The following SCN8A variants were observed in gnomAD, a reference collection of about 807,000 sequenced individuals.
The protein encoded by SCN8A is sodium voltage-gated channel alpha subunit 8, also known as sodium channel protein type 8 subunit alpha.
A neutral mutation model predicts 184.1 loss-of-function variants in SCN8A; 30 were observed. That is an observed-to-expected ratio of 0.16 (90% CI 0.12 to 0.22). SCN8A has a LOEUF of 0.22. Ranked by LOEUF, SCN8A falls within the 10% of genes least tolerant of loss-of-function variation. SCN8A has a pLI of 1.00. For synonymous variants in SCN8A, 852 were observed against 907.0 expected (o/e 0.94, Z 1.09); for missense variants, 1,057 against 2,498.9 (o/e 0.42, Z 12.30).
chr12:51,767,499 G>A (rs1210604790), intron 16 of SCN8A, among the ~76,000 whole-genome samples: 1 of 152,046 alleles, frequency 6.6e-6, no homozygotes, highest in Non-Finnish European at 1.5e-5. Flanking sequence ...TAGTATTTCT[G>A]TGGATATCTT....
chr12:51,729,892 A>G (rs1308504622), intron 12 of SCN8A, among the ~76,000 whole-genome samples: 1 of 152,140 alleles, frequency 6.6e-6, no homozygotes, highest in African/African-American at 2.4e-5. Flanking sequence ...TGTGCCATTA[A>G]TTTGCATTTC....
At chr12:51,775,339 C>T (rs945188080) in intron 20 of SCN8A, among the ~76,000 whole-genome samples, 1 of 152,202 alleles carries the variant, frequency 6.6e-6, no homozygotes, top group Admixed American at 6.5e-5. Context: ...ATAGAAATCT[C>T]TCTGATGGCA....
chr12:51,784,807 C>T (rs191549577), intron 21 of SCN8A, among the ~76,000 whole-genome samples: 1 of 152,128 alleles, frequency 6.6e-6, no homozygotes, highest in African/African-American at 2.4e-5. Flanking sequence ...TTAACTGTAA[C>T]CCATAGTATG....
intron 12 of SCN8A, among the ~76,000 whole-genome samples, chr12:51,726,368 G>A (rs1419252511): frequency 1.3e-5 from 2 of 152,166 alleles, no homozygotes; most frequent in Admixed American, 1.3e-4. Flanking sequence ...TTACAGCCTG[G>A]ACCTTATGAA....
At chr12:51,702,953 A>G (rs1266703859) in intron 9 of SCN8A, 39 bp downstream of exon 9, 1 of 1,540,530 alleles carries the variant, frequency 6.5e-7, no homozygotes, top group African/African-American at 1.4e-5. Flanking sequence ...TAGAGTTTGC[A>G]TGAGCTTATA....
intron 1 of SCN8A, among the ~76,000 whole-genome samples, chr12:51,602,130 C>T (rs974747066): frequency 1.3e-5 from 2 of 151,880 alleles, no homozygotes; most frequent in Admixed American, 1.3e-4. Flanking sequence ...TGAATGCTGA[C>T]TTTGGTAGTA....
chr12:51,712,421 C>A (rs1469742694), intron 11 of SCN8A: 1 of 758,668 alleles, frequency 1.3e-6, no homozygotes. Flanking sequence ...CAGCTCCTCG[C>A]GCTCTCTCCT....
intron 11 of SCN8A, among the ~76,000 whole-genome samples, chr12:51,717,783 G>A (rs1342106615): frequency 6.6e-6 from 1 of 152,148 alleles, no homozygotes; most frequent in East Asian, 1.9e-4. Flanking sequence ...CAAGGATGAG[G>A]CAGAAGAACA....
intron 1 of SCN8A, among the ~76,000 whole-genome samples, chr12:51,654,968 C>T (rs184924433): frequency 1.5e-3 from 223 of 151,858 alleles, no homozygotes; most frequent in African/African-American, 5.2e-3. Context: ...AGCATGATCT[C>T]AGCTCACTGC....
Position 51,638,240 on chromosome 12 carries a change from C to T in SCN8A, c.-54-24524C>T, listed in dbSNP as rs568568553. On this transcript the variant is annotated intron_variant, in intron 1 of 26. Transcript: ENST00000627620. Reference sequence around the variant, plus strand: ...AAGGAGATTAATGTTGTATTCATGCCAGCTAACACAACATCCATTTTGTAG... The same window carrying T: ...AAGGAGATTAATGTTGTATTCATGCTAGCTAACACAACATCCATTTTGTAG... Among the ~76,000 whole-genome samples, 6 of 152,304 alleles carry T rather than the reference C, an allele frequency of 3.9e-5. No individual in the cohort carries two copies. The South Asian group carries it at 8.3e-4, about 21-fold the overall frequency.
At chr12:51,735,949 T>C (rs1053866369) in intron 12 of SCN8A, among the ~76,000 whole-genome samples, 1 of 152,352 alleles carries the variant, frequency 6.6e-6, no homozygotes, top group Non-Finnish European at 1.5e-5. Context: ...GTTTCTGTCT[T>C]TGCAGCTGGT....
intron 12 of SCN8A, among the ~76,000 whole-genome samples, chr12:51,733,471 G>T (rs1163198391): frequency 2.0e-5 from 3 of 151,856 alleles, no homozygotes; most frequent in South Asian, 2.1e-4. Context: ...TTTTGTTGGG[G>T]TTTTTTTGGA....
chr12:51,707,619 C>A (rs1239771750), intron 11 of SCN8A, among the ~76,000 whole-genome samples: 3 of 152,168 alleles, frequency 2.0e-5, no homozygotes, highest in Non-Finnish European at 4.4e-5. Context: ...TGTTAATCTC[C>A]TTTGGCAACA....
intron 14 of SCN8A, among the ~76,000 whole-genome samples, chr12:51,761,091 C>G (rs111532474): frequency 6.6e-6 from 1 of 152,154 alleles, no homozygotes; most frequent in African/African-American, 2.4e-5. Context: ...AATAAGTCCT[C>G]TCCTCTAAAA....
chr12:51,657,701 C>T (rs1181809068), intron 1 of SCN8A, among the ~76,000 whole-genome samples: 2 of 152,182 alleles, frequency 1.3e-5, no homozygotes, highest in East Asian at 3.9e-4. Flanking sequence ...AATCTTTGCC[C>T]AGACCAATGT....
chr12:51,658,824 A>G (rs1312721712), intron 1 of SCN8A, among the ~76,000 whole-genome samples: 1 of 152,194 alleles, frequency 6.6e-6, no homozygotes, highest in Non-Finnish European at 1.5e-5. Flanking sequence ...TTTTTAAAAA[A>G]TACGAGATGC....
At chr12:51,676,719 C>T (rs998725634) in intron 2 of SCN8A, among the ~76,000 whole-genome samples, 1 of 152,204 alleles carries the variant, frequency 6.6e-6, no homozygotes, top group African/African-American at 2.4e-5. Flanking sequence ...AGTCATAAGT[C>T]ATTGCCAGTA....
At chr12:51,715,493 G>T (rs1941949595) in intron 11 of SCN8A, among the ~76,000 whole-genome samples, 1 of 151,608 alleles carries the variant, frequency 6.6e-6, no homozygotes, top group Non-Finnish European at 1.5e-5. Flanking sequence ...TTTTGGCCAG[G>T]CACAGTGGCT....
chr12:51,706,427 T>C lies in SCN8A; in HGVS notation c.1347T>C (p.Ala449=). 3 of 1,579,406 alleles carry C rather than the reference T, an allele frequency of 1.9e-6. No individual in the cohort carries two copies. The highest frequency in any genetic ancestry group is 2.3e-5 in the East Asian group (1 of 43,838). The change falls in exon 11 of 27, where the codon GCT becomes GCC. Residue 449 remains alanine, a synonymous_variant. Transcript: ENST00000627620. ...LKKQQEEAQA[A]AMATSAGTVS... ...TGCTGTGGCTTCTTTCCTAGGCTGC[T>C]GCGATGGCCACTTCAGCAGGAACTG...
Sources: gnomAD v4.1 joint callset for allele counts (sites outside exome capture counted in the v4.1 genomes callset) on GRCh38, gnomAD v4.1.1 for gene constraint, MANE v1.5 for transcripts, NCBI Gene and HGNC (gene_info 2026-07-23, HGNC 2026-07-21) for gene names.